Variants in EPS15 observed in about 807,000 individuals in gnomAD.
EPS15 encodes epidermal growth factor receptor substrate 15.
EPS15 carries 72 observed loss-of-function variants against 113.8 expected under a neutral mutation model. The ratio of observed to expected loss-of-function variants is 0.63; its 90% CI spans 0.52 to 0.77. EPS15 has a LOEUF of 0.77. Among genes scored for constraint, EPS15 ranks in the 30% least tolerant of loss-of-function variants. The pLI, the probability that EPS15 is intolerant of heterozygous loss-of-function variation, is 0.00. For missense variants in EPS15, 1,048 were observed against 1,045.8 expected, an observed-to-expected ratio of 1.00 and a Z score of -0.03; for synonymous variants, 344 against 363.4, an observed-to-expected ratio of 0.95 and a Z score of 0.61.
chr1:51,505,600 CG>C (rs1474625338), intron 1 of EPS15, among the ~76,000 whole-genome samples: 2 of 151,898 alleles, frequency 1.3e-5, no homozygotes, highest in African/African-American at 2.4e-5. Flanking sequence ...GATGTTTGCA[CG>C]TATCTGTGAA....
chr1:51,375,338 AT>A (rs1646772884), intron 21 of EPS15, among the ~76,000 whole-genome samples: 1 of 152,178 alleles, frequency 6.6e-6, no homozygotes, highest in South Asian at 2.1e-4. Flanking sequence ...TAACAAGTAT[AT>A]TTTAGAGGTT....
intron 2 of EPS15, among the ~76,000 whole-genome samples, chr1:51,479,189 C>T (rs376825760): frequency 6.6e-6 from 1 of 152,138 alleles, no homozygotes; most frequent in South Asian, 2.1e-4. Context: ...CTTCTCTTCT[C>T]GCTTCATTTC....
intron 8 of EPS15, chr1:51,460,806 T>C (rs373877262): frequency 7.8e-5 from 23 of 293,554 alleles, no homozygotes; most frequent in Non-Finnish European, 1.2e-4. Context: ...ATACCAAAAT[T>C]AGCTGGGCGT....
chr1:51,391,231 G>T (rs1474004411), intron 21 of EPS15, among the ~76,000 whole-genome samples: 1 of 151,810 alleles, frequency 6.6e-6, no homozygotes, highest in Non-Finnish European at 1.5e-5. Context: ...ACCAAACACC[G>T]CATGTTCTCA....
chr1:51,455,067 G>A (rs1459605549), intron 8 of EPS15, among the ~76,000 whole-genome samples: 2 of 152,050 alleles, frequency 1.3e-5, no homozygotes, highest in Non-Finnish European at 2.9e-5. Flanking sequence ...ATGAGCATAG[G>A]CTCATTCACC....
In EPS15 at chr1:51,506,749, C is replaced by T. The variant is rs115933491; in HGVS notation, c.33+12450G>A. Among the ~76,000 whole-genome samples, 419 of 150,772 alleles carry T rather than the reference C, an allele frequency of 2.8e-3. 3 individuals are homozygous for T. The highest frequency in any genetic ancestry group is 9.9e-3 in the African/African-American group (406 of 40,976). On this transcript the variant is annotated intron_variant, in intron 1 of 24. Transcript: ENST00000371733. ...AAGTGCCAGATGGTCCAGAATCCAC[C>T]CCCAGATCTTACAAGGCGCCGCATA...
Position 51,399,087 on chromosome 1 carries a change from A to G in EPS15, c.1997T>C (p.Phe666Ser), listed in dbSNP as rs1308134185. ...GAAAGGGTCAGTGCTTGAAGTGGCA[A>G]AAGGATCAGTAGATTGCCTGAAGAA... is the stretch of plus-strand genomic sequence containing the variant. ...DCFFRQSTDP[F>S]ATSSTDPFSA... is the part of the protein sequence containing the mutation. The change falls in exon 20 of 25, where the codon TTT (phenylalanine) becomes TCT (serine). Residue 666 changes from phenylalanine (F) to serine (S), a missense_variant. Phe to Ser is a radical substitution (Grantham distance 155). Transcript: ENST00000371733. The G allele has an allele frequency of 6.2e-7, 1 of 1,614,134 alleles. No individual in the cohort carries two copies. Among genetic ancestry groups the G allele is most frequent in the Non-Finnish European group, 8.5e-7 (1 of 1,179,986 alleles).
intron 11 of EPS15, among the ~76,000 whole-genome samples, chr1:51,442,048 A>G (rs1403313660): frequency 2.0e-5 from 3 of 152,116 alleles, no homozygotes; most frequent in African/African-American, 4.8e-5. Context: ...TACTAATCTC[A>G]ATTTTATATT....
rs992480678 is a variant in EPS15 at position 51,461,068 on chromosome 1, G to A, written c.561+23C>T. 4 of 1,484,708 alleles carry A rather than the reference G, an allele frequency of 2.7e-6. No homozygotes were observed. The Admixed American group carries it at 5.1e-5, about 19-fold the overall frequency. 92.0% of individuals were successfully genotyped at this position (1,484,708 alleles called of 1,614,324 possible). On this transcript the variant is annotated intron_variant, in intron 8 of 24. Coordinates refer to ENST00000371733, the MANE Select transcript of EPS15 (RefSeq NM_001981.3). ...AGAAAATCATTAAGATAATGAAGAT[G>A]TTAAGAACATTAGATTACTTACAAC...
chr1:51,502,348 A>G (rs1203411379), intron 1 of EPS15, among the ~76,000 whole-genome samples: 1 of 152,220 alleles, frequency 6.6e-6, no homozygotes, highest in African/African-American at 2.4e-5. Flanking sequence ...CTTTTAAAAA[A>G]ACCCTTTCAA....
chr1:51,356,527 AAAG>A lies in EPS15; in HGVS notation c.*170_*172del, dbSNP rs1054278153. On this transcript the variant is annotated 3_prime_UTR_variant, in exon 25 of 25. Coordinates refer to ENST00000371733, the MANE Select transcript of EPS15 (RefSeq NM_001981.3). ...TACGGCTTTTATAAGAAAAAAAAAAAAAGACGAATCTGTAATGAAGAAAAAAAA... is the reference window on the plus strand; with the variant it reads ...TACGGCTTTTATAAGAAAAAAAAAAAACGAATCTGTAATGAAGAAAAAAAA... 1.9e-6 allele frequency: 1 copy of A among 514,444 alleles called. No homozygotes were observed. Among genetic ancestry groups the A allele is most frequent in the African/African-American group, 2.0e-5 (1 of 49,826 alleles). The allele number at this position is 514,444 out of a possible 1,614,324, so 31.9% of individuals were successfully genotyped here.
rs749977119 is a variant in EPS15 at position 51,394,363 on chromosome 1, G to T, written c.2119+18C>A. Reference sequence around the variant, plus strand: ...AAAATGTTTAATGTTCAATGAAGTTGATAAATTATTTATTTACCTGAATCG... The same window carrying T: ...AAAATGTTTAATGTTCAATGAAGTTTATAAATTATTTATTTACCTGAATCG... On this transcript the variant is annotated intron_variant, in intron 21 of 24. Coordinates refer to ENST00000371733, the MANE Select transcript of EPS15 (RefSeq NM_001981.3). 1.8e-5 allele frequency: 27 copies of T among 1,531,574 alleles called. 2 individuals are homozygous for T. In the East Asian group the frequency reaches 5.7e-4, roughly 32 times the overall value. 94.9% of individuals were successfully genotyped at this position (1,531,574 alleles called of 1,614,324 possible).
chr1:51,408,145 TC>T lies in EPS15; in HGVS notation c.1462del (p.Glu488LysfsTer7). The T allele has an allele frequency of 1.2e-6, 2 of 1,613,920 alleles. No individual in the cohort carries two copies. Among genetic ancestry groups the T allele is most frequent in the Non-Finnish European group, 1.7e-6 (2 of 1,179,780 alleles). On this transcript the variant is annotated frameshift_variant, in exon 15 of 25. Coordinates refer to ENST00000371733, the MANE Select transcript of EPS15 (RefSeq NM_001981.3). LOFTEE classifies it high-confidence loss of function. ...TTTACAAAGACTTACTGAACTAATT[TC>T]CTGTTGTGAATCTTGTAGGTGCTGC... ...LQQHLQDSQQ[E>X]ISSMQMKLME...
intron 13 of EPS15, among the ~76,000 whole-genome samples, chr1:51,412,649 C>T (rs1189784846): frequency 2.6e-5 from 4 of 152,116 alleles, no homozygotes; most frequent in African/African-American, 7.2e-5. Context: ...TAATCCATAC[C>T]ATATAGAGAT....
intron 21 of EPS15, among the ~76,000 whole-genome samples, chr1:51,375,839 T>C (rs559562776): frequency 1.3e-5 from 2 of 152,096 alleles, no homozygotes; most frequent in Admixed American, 6.6e-5. Context: ...CAAACCAACA[T>C]AAATACATAA....
intron 1 of EPS15, among the ~76,000 whole-genome samples, chr1:51,499,615 T>TTTTC (rs1374391977): frequency 6.6e-6 from 1 of 152,038 alleles, no homozygotes; most frequent in African/African-American, 2.4e-5. Flanking sequence ...AATTCCTTCT[T>TTTTC]TTTCTTTGAT....
chr1:51,357,439 A>C, intron 24 of EPS15, among the ~76,000 whole-genome samples: 1 of 82,642 alleles, frequency 1.2e-5, no homozygotes, highest in East Asian at 3.4e-4. Flanking sequence ...TTTTTTTTTT[A>C]AATGTGATAT....
chr1:51,483,516 A>C (rs1365825724), intron 1 of EPS15, among the ~76,000 whole-genome samples: 1 of 151,888 alleles, frequency 6.6e-6, no homozygotes, highest in Non-Finnish European at 1.5e-5. Context: ...GGCCTTTAAA[A>C]GGCAGAGTCA....
chr1:51,410,869 A>G (rs937937969), intron 13 of EPS15, among the ~76,000 whole-genome samples: 4 of 152,228 alleles, frequency 2.6e-5, no homozygotes, highest in Admixed American at 2.0e-4. Context: ...AAAATGTGCT[A>G]GGTTGTGCTC....
Sources: gnomAD v4.1 joint callset for allele counts (sites outside exome capture counted in the v4.1 genomes callset) on GRCh38, gnomAD v4.1.1 for gene constraint, MANE v1.5 for transcripts, NCBI Gene and HGNC (gene_info 2026-07-23, HGNC 2026-07-21) for gene names.